Variants in WWOX observed in about 807,000 individuals in gnomAD.
The protein encoded by WWOX is WW domain containing oxidoreductase.
A neutral mutation model predicts 46.2 loss-of-function variants in WWOX; 69 were observed. The ratio of observed to expected loss-of-function variants is 1.49; its 90% CI spans 1.23 to 1.82. The LOEUF is 1.82. Among genes scored for constraint, WWOX ranks in the 40% most tolerant of loss-of-function variants. WWOX has a pLI of 0.00. For synonymous variants in WWOX, 359 were observed against 202.6 expected (o/e 1.77, Z -6.56); for missense variants, 919 against 542.6 (o/e 1.69, Z -6.89).
chr16:78,818,566 C>G lies in WWOX; in HGVS notation c.1056+385814C>G, dbSNP rs561818540. ...GCCAACACAGCGAGACCCAATCTCT[C>G]CAAAAAGTTTAAAAATCGGCTGGGC... On this transcript the variant is annotated intron_variant, in intron 8 of 8. Coordinates refer to ENST00000566780, the MANE Select transcript of WWOX (RefSeq NM_016373.4). Among the ~76,000 whole-genome samples, 22 of 152,206 alleles carry G rather than the reference C, an allele frequency of 1.4e-4. No homozygotes were observed. In the South Asian group the frequency reaches 4.6e-3, roughly 32 times the overall value.
intron 8 of WWOX, among the ~76,000 whole-genome samples, chr16:78,499,757 C>T (rs1253033603): frequency 1.3e-5 from 2 of 152,208 alleles, no homozygotes; most frequent in Non-Finnish European, 1.5e-5. Context: ...ACACCAGCCT[C>T]TGTCAAATAC....
chr16:79,193,530 A>G (rs757057127), intron 8 of WWOX, among the ~76,000 whole-genome samples: 7 of 152,134 alleles, frequency 4.6e-5, no homozygotes, highest in Non-Finnish European at 8.8e-5. Context: ...CAGAGTATGA[A>G]AGTGCTGCTT....
At chr16:78,893,579 T>G (rs1465420195) in intron 8 of WWOX, among the ~76,000 whole-genome samples, 3 of 152,170 alleles carry the variant, frequency 2.0e-5, no homozygotes, top group Non-Finnish European at 4.4e-5. Flanking sequence ...TCTGCCCACA[T>G]GGCTGCCATT....
chr16:78,194,110 C>A (rs1180875663), intron 5 of WWOX, among the ~76,000 whole-genome samples: 2 of 151,580 alleles, frequency 1.3e-5, no homozygotes, highest in Non-Finnish European at 2.9e-5. Flanking sequence ...GATCTCCTGA[C>A]CTCGTGATCC....
intron 8 of WWOX, among the ~76,000 whole-genome samples, chr16:78,433,231 C>T (rs532662146): frequency 1.3e-5 from 2 of 152,024 alleles, no homozygotes; most frequent in Non-Finnish European, 1.5e-5. Context: ...TGGGTATAAT[C>T]CTCTGTTGGA....
chr16:79,014,174 T>C (rs1012545394), intron 8 of WWOX, among the ~76,000 whole-genome samples: 35 of 152,296 alleles, frequency 2.3e-4, no homozygotes, highest in African/African-American at 8.4e-4. Flanking sequence ...AGGAAGGCCC[T>C]GGATTTTGTC....
chr16:78,709,366 C>T (rs1379918201), intron 8 of WWOX, among the ~76,000 whole-genome samples: 3 of 152,214 alleles, frequency 2.0e-5, no homozygotes, highest in African/African-American at 4.8e-5. Context: ...TGAAGGAAAG[C>T]CCGCGATTCT....
At chr16:78,806,669 A>T (rs567581661) in intron 8 of WWOX, among the ~76,000 whole-genome samples, 1 of 152,228 alleles carries the variant, frequency 6.6e-6, no homozygotes, top group South Asian at 2.1e-4. Flanking sequence ...AACCAAGCAG[A>T]TGCTGCATTG....
chr16:78,754,367 T>G (rs549419757), intron 8 of WWOX, among the ~76,000 whole-genome samples: 1 of 152,266 alleles, frequency 6.6e-6, no homozygotes, highest in South Asian at 2.1e-4. Context: ...ACCTGTGTCT[T>G]ATTATTGAAC....
intron 8 of WWOX, among the ~76,000 whole-genome samples, chr16:78,553,756 G>C (rs762066913): frequency 6.6e-6 from 1 of 152,060 alleles, no homozygotes; most frequent in East Asian, 1.9e-4. Context: ...ACCAGAGTAA[G>C]TGAAGTCACC....
chr16:78,532,629 A>T (rs1187174961), intron 8 of WWOX, among the ~76,000 whole-genome samples: 1 of 152,178 alleles, frequency 6.6e-6, no homozygotes, highest in Non-Finnish European at 1.5e-5. Flanking sequence ...GGTTTATTGG[A>T]CTTACAGTTC....
chr16:79,134,988 G>T (rs996722671), intron 8 of WWOX, among the ~76,000 whole-genome samples: 1 of 152,130 alleles, frequency 6.6e-6, no homozygotes, highest in African/African-American at 2.4e-5. Flanking sequence ...AAATTAGGAT[G>T]ATTTGAAATT....
intron 8 of WWOX, among the ~76,000 whole-genome samples, chr16:78,623,532 C>A (rs775881342): frequency 2.6e-5 from 4 of 151,936 alleles, no homozygotes; most frequent in Non-Finnish European, 4.4e-5. Flanking sequence ...ATACAAAAAT[C>A]AGCCAGGCAT....
chr16:78,614,552 G>A (rs1017231860), intron 8 of WWOX, among the ~76,000 whole-genome samples: 3 of 152,190 alleles, frequency 2.0e-5, no homozygotes, highest in Non-Finnish European at 2.9e-5. Flanking sequence ...GGAGCAGATT[G>A]AACACCTGTT....
At chr16:78,356,734 T>A (rs921735157) in intron 5 of WWOX, among the ~76,000 whole-genome samples, 1 of 152,000 alleles carries the variant, frequency 6.6e-6, no homozygotes, top group African/African-American at 2.4e-5. Context: ...TAGAAAAAAT[T>A]AGCCGGGCAT....
chr16:79,009,160 C>A (rs1010960009), intron 8 of WWOX, among the ~76,000 whole-genome samples: 1 of 152,220 alleles, frequency 6.6e-6, no homozygotes, highest in Non-Finnish European at 1.5e-5. Context: ...TAAAAAGGCC[C>A]ATTCACTAGG....
chr16:78,668,671 C>T (rs1400693432), intron 8 of WWOX, among the ~76,000 whole-genome samples: 1 of 152,126 alleles, frequency 6.6e-6, no homozygotes, highest in Non-Finnish European at 1.5e-5. Flanking sequence ...AGCTTTACCC[C>T]TGAGAAGAGC....
At chr16:78,597,557 A>C (rs1395766663) in intron 8 of WWOX, among the ~76,000 whole-genome samples, 1 of 152,174 alleles carries the variant, frequency 6.6e-6, no homozygotes, top group Admixed American at 6.5e-5. Flanking sequence ...GTTTTAAGAA[A>C]AGCTGAAAAG....
intron 8 of WWOX, among the ~76,000 whole-genome samples, chr16:78,982,725 T>G (rs543769068): frequency 6.6e-6 from 1 of 152,326 alleles, no homozygotes; most frequent in African/African-American, 2.4e-5. Context: ...GGAGAAAATG[T>G]GCATTTGAAT....
Sources: gnomAD v4.1 joint callset for allele counts (sites outside exome capture counted in the v4.1 genomes callset) on GRCh38, gnomAD v4.1.1 for gene constraint, MANE v1.5 for transcripts, NCBI Gene and HGNC (gene_info 2026-07-23, HGNC 2026-07-21) for gene names.